The following FGF14 variants were observed in gnomAD, a reference collection of about 807,000 sequenced individuals.
The protein encoded by FGF14 is fibroblast growth factor 14.
FGF14 carries 5 observed loss-of-function variants against 25.5 expected under a neutral mutation model. The ratio of observed to expected loss-of-function variants is 0.20; its 90% CI spans 0.10 to 0.41. FGF14 has a LOEUF of 0.41. Among genes scored for constraint, FGF14 ranks in the 10% least tolerant of loss-of-function variants. The pLI is 1.00. For synonymous variants in FGF14, 138 were observed against 118.3 expected, an observed-to-expected ratio of 1.17 and a Z score of -1.08; for missense variants, 222 against 320.1, an observed-to-expected ratio of 0.69 and a Z score of 2.34.
chr13:101,753,603 G>T (rs1339665483), intron 3 of FGF14, among the ~76,000 whole-genome samples: 2 of 152,026 alleles, frequency 1.3e-5, no homozygotes, highest in African/African-American at 4.8e-5. Context: ...TCAGGAATTG[G>T]AGACCAGCCT....
chr13:102,256,752 G>A (rs925026354), intron 1 of FGF14, among the ~76,000 whole-genome samples: 1 of 152,120 alleles, frequency 6.6e-6, no homozygotes, highest in Non-Finnish European at 1.5e-5. Flanking sequence ...TAACAAATGG[G>A]TGACATTGCT....
intron 1 of FGF14, among the ~76,000 whole-genome samples, chr13:102,393,234 C>T (rs1350137025): frequency 1.3e-5 from 2 of 152,160 alleles, no homozygotes; most frequent in African/African-American, 2.4e-5. Flanking sequence ...AATTGTTCAC[C>T]ACATCATAAT....
intron 1 of FGF14, among the ~76,000 whole-genome samples, chr13:101,881,298 A>C (rs970082981): frequency 2.0e-5 from 3 of 152,190 alleles, no homozygotes; most frequent in African/African-American, 7.2e-5. Flanking sequence ...AAATTTTCTC[A>C]TTGCAAAGTT....
chr13:102,088,650 G>A (rs908217449), intron 1 of FGF14, among the ~76,000 whole-genome samples: 1 of 151,978 alleles, frequency 6.6e-6, no homozygotes, highest in African/African-American at 2.4e-5. Context: ...ATACAAATAT[G>A]TATTAAACTG....
intron 1 of FGF14, among the ~76,000 whole-genome samples, chr13:102,203,392 A>C (rs2049759301): frequency 6.6e-6 from 1 of 152,184 alleles, no homozygotes; most frequent in African/African-American, 2.4e-5. Flanking sequence ...CCCTAGAAAG[A>C]TATTAGCGCA....
chr13:101,989,162 G>A (rs1162345697), intron 1 of FGF14, among the ~76,000 whole-genome samples: 1 of 152,072 alleles, frequency 6.6e-6, no homozygotes, highest in Admixed American at 6.6e-5. Flanking sequence ...GTACAGGCCT[G>A]AGAGAATTAA....
At chr13:102,131,672 T>C (rs1452937040) in intron 1 of FGF14, among the ~76,000 whole-genome samples, 3 of 152,218 alleles carry the variant, frequency 2.0e-5, no homozygotes, top group Admixed American at 1.3e-4. Flanking sequence ...CAAAATCCTA[T>C]AGTATTTAAT....
chr13:101,772,033 G>A (rs972156503), intron 3 of FGF14, among the ~76,000 whole-genome samples: 1 of 151,930 alleles, frequency 6.6e-6, no homozygotes, highest in Non-Finnish European at 1.5e-5. Flanking sequence ...ACATTCACAG[G>A]AAAGAAAAGG....
chr13:101,862,502 T>A (rs1438994801), intron 3 of FGF14, among the ~76,000 whole-genome samples: 1 of 152,136 alleles, frequency 6.6e-6, no homozygotes, highest in Non-Finnish European at 1.5e-5. Context: ...AATAAAAAAA[T>A]TGGATATTCC....
intron 1 of FGF14, among the ~76,000 whole-genome samples, chr13:102,383,775 A>G (rs2058239721): frequency 6.7e-6 from 1 of 149,828 alleles, no homozygotes; most frequent in African/African-American, 2.5e-5. Context: ...CCCCTTGGGA[A>G]GATTAAGACC....
rs1566764703 is a variant in FGF14 at position 102,161,628 on chromosome 13, GAAGAA to G, written c.208+239838_208+239842del. On this transcript the variant is annotated intron_variant, in intron 1 of 4. Transcript: ENST00000376131. Reference sequence around the variant, plus strand: ...AGAAGAAGAAGAAGAAGAAGAAGAAGAAGAAGAAGAAGAAGAAGAAGAAGAAGAAG... The same window carrying G: ...AGAAGAAGAAGAAGAAGAAGAAGAAGGAAGAAGAAGAAGAAGAAGAAGAAG... Among the ~76,000 whole-genome samples the G allele has an allele frequency of 5.1e-3, 32 of 6,240 alleles. 1 individual carries two copies. The highest frequency in any genetic ancestry group is 4.9e-3 in the Non-Finnish European group (17 of 3,466). 4.1% of individuals were successfully genotyped at this position (6,240 alleles called of 152,430 possible). A position where few individuals can be genotyped will look rare whatever the true frequency, so the allele number is the denominator to read the frequency against.
At chr13:102,183,796 C>T (rs1394328627) in intron 1 of FGF14, among the ~76,000 whole-genome samples, 2 of 152,174 alleles carry the variant, frequency 1.3e-5, no homozygotes, top group African/African-American at 4.8e-5. Flanking sequence ...GCCCTCTCTC[C>T]TTATTAGCTA....
chr13:102,185,524 G>A (rs1402792747), intron 1 of FGF14, among the ~76,000 whole-genome samples: 1 of 150,720 alleles, frequency 6.6e-6, no homozygotes. Flanking sequence ...CTGGCAGTCA[G>A]CAGAAATATA....
chr13:102,072,854 G>T (rs1197686961), intron 1 of FGF14, among the ~76,000 whole-genome samples: 2 of 152,218 alleles, frequency 1.3e-5, no homozygotes, highest in East Asian at 3.8e-4. Context: ...AGGAGGGCTA[G>T]TAATATAAAT....
chr13:101,971,831 T>C (rs1030013063), intron 1 of FGF14, among the ~76,000 whole-genome samples: 1 of 152,270 alleles, frequency 6.6e-6, no homozygotes, highest in Non-Finnish European at 1.5e-5. Flanking sequence ...ATAAAGTTGC[T>C]GTCCCTTATA....
chr13:101,787,677 C>T (rs763607861), intron 3 of FGF14, among the ~76,000 whole-genome samples: 1 of 152,118 alleles, frequency 6.6e-6, no homozygotes, highest in Non-Finnish European at 1.5e-5. Context: ...CTTTTCTGTC[C>T]TCCTACCCGG....
chr13:101,907,829 T>C (rs1346930886), intron 1 of FGF14, among the ~76,000 whole-genome samples: 2 of 151,872 alleles, frequency 1.3e-5, no homozygotes, highest in African/African-American at 4.8e-5. Context: ...GAGAAGAAAA[T>C]TATTGGATTG....
In FGF14 at chr13:102,059,657, C is replaced by T. The variant is rs1343425347; in HGVS notation, c.209-184361G>A. On this transcript the variant is annotated intron_variant, in intron 1 of 4. Coordinates refer to the FGF14 transcript ENST00000376131. ...CGTGAGGTCAGAAGTTCGAAACCGGCATGGCCAACGTGGTGAAACCACGTC... is the reference window on the plus strand; with the variant it reads ...CGTGAGGTCAGAAGTTCGAAACCGGTATGGCCAACGTGGTGAAACCACGTC... Among the ~76,000 whole-genome samples the T allele has an allele frequency of 2.0e-5, 3 of 152,134 alleles. No homozygotes were observed. The East Asian group carries it at 5.8e-4, about 30-fold the overall frequency.
intron 3 of FGF14, among the ~76,000 whole-genome samples, chr13:101,859,039 A>G (rs988277633): frequency 2.6e-4 from 39 of 152,294 alleles, no homozygotes; most frequent in African/African-American, 8.7e-4. Flanking sequence ...TCAGCAAAGC[A>G]GCGTGTAAAT....
Sources: allele counts gnomAD v4.1 joint callset (sites outside exome capture counted in the v4.1 genomes callset), GRCh38; gene constraint gnomAD v4.1.1; transcripts MANE v1.5; gene names NCBI Gene and HGNC (gene_info 2026-07-23, HGNC 2026-07-21).